The following LOXL1 variants were observed in gnomAD, a reference collection of about 807,000 sequenced individuals.
LOXL1 encodes the protein lysyl oxidase like 1.
LOXL1 carries 31 observed loss-of-function variants against 62.2 expected under a neutral mutation model. That is an observed-to-expected ratio of 0.50 (90% CI 0.37 to 0.67). The LOEUF (loss-of-function observed/expected upper bound fraction) is 0.67. Ranked by LOEUF, LOXL1 falls within the 30% of genes least tolerant of loss-of-function variation. The pLI, the probability that LOXL1 is intolerant of heterozygous loss-of-function variation, is 0.00. For synonymous variants in LOXL1, 403 were observed against 384.4 expected, an observed-to-expected ratio of 1.05 and a Z score of -0.56; for missense variants, 775 against 843.4, an observed-to-expected ratio of 0.92 and a Z score of 1.00.
chr15:73,927,758 C>T lies in LOXL1; in HGVS notation c.975C>T (p.Arg325=), dbSNP rs1293261766. Reference sequence around the variant, plus strand: ...CGCCCGAGGCGTACGGGCCGCCGCGCGCGCTGGAGCCGCCCTACCTGCCGG... The same window carrying T: ...CGCCCGAGGCGTACGGGCCGCCGCGTGCGCTGGAGCCGCCCTACCTGCCGG... ...NPPPEAYGPP[R]ALEPPYLPVR... Residue 325 remains arginine (R), a synonymous_variant, in exon 1 of 7, where the codon CGC becomes CGT. Transcript: ENST00000261921. 11 of 1,445,824 alleles carry T rather than the reference C, an allele frequency of 7.6e-6. No individual in the cohort carries two copies. Among genetic ancestry groups the T allele is most frequent in the Non-Finnish European group, 1.0e-5 (11 of 1,105,396 alleles). The allele number at this position is 1,445,824 out of a possible 1,614,324, so 89.6% of individuals were successfully genotyped here. A position where few individuals can be genotyped will look rare whatever the true frequency, so the allele number is the denominator to read the frequency against.
intron 5 of LOXL1, among the ~76,000 whole-genome samples, chr15:73,948,412 A>T (rs2068762316): frequency 6.6e-6 from 1 of 152,330 alleles, no homozygotes; most frequent in East Asian, 1.9e-4. Flanking sequence ...GTAGAAAAGC[A>T]TATTAACAAC....
intron 1 of LOXL1, 25 bp from the exon 2 acceptor site, chr15:73,942,829 C>T (rs367594839): frequency 1.0e-5 from 15 of 1,430,150 alleles, no homozygotes; most frequent in Non-Finnish European, 1.4e-5. Context: ...CTCCCTCCCC[C>T]CTTCTCTCCC....
chr15:73,937,231 G>A (rs944956390), intron 1 of LOXL1, among the ~76,000 whole-genome samples: 4 of 152,238 alleles, frequency 2.6e-5, no homozygotes, highest in Non-Finnish European at 4.4e-5. Flanking sequence ...CAGGCCCCAA[G>A]AGTCAGTGTG....
chr15:73,927,757 G>A lies in LOXL1; in HGVS notation c.974G>A (p.Arg325His). Residue 325 changes from arginine to histidine, a missense_variant, in exon 1 of 7, where the codon CGC becomes CAC. By Grantham distance (29) the Arg-to-His change is conservative. Coordinates refer to ENST00000261921, the MANE Select transcript of LOXL1 (RefSeq NM_005576.4). ...NPPPEAYGPPRALEPPYLPVR... is the reference protein window; with the variant it reads ...NPPPEAYGPPHALEPPYLPVR... ...CCGCCCGAGGCGTACGGGCCGCCGC[G>A]CGCGCTGGAGCCGCCCTACCTGCCG... 1 of 1,446,020 alleles carries A rather than the reference G, an allele frequency of 6.9e-7. No homozygotes were observed. The highest frequency in any genetic ancestry group is 9.0e-7 in the Non-Finnish European group (1 of 1,105,434). 89.6% of individuals were successfully genotyped at this position (1,446,020 alleles called of 1,614,324 possible). A position where few individuals can be genotyped will look rare whatever the true frequency, so the allele number is the denominator to read the frequency against.
In LOXL1 at chr15:73,926,844, G is replaced by C. The variant is rs1595841190; in HGVS notation, c.61G>C (p.Val21Leu). The change falls in exon 1 of 7, where the codon GTG becomes CTG. Residue 21 changes from valine (V) to leucine (L), a missense_variant. Val to Leu is a conservative substitution (Grantham distance 32). Transcript: ENST00000261921. The stretch of plus-strand genomic sequence containing the variant: ...CCTGGTGTGGGGCGCCTGCCTGTGC[G>C]TGCTGGTGCACGGGCAGCAGGCGCA... ...GALVWGACLC[V>L]LVHGQQAQPG... 1.9e-6 allele frequency: 3 copies of C among 1,541,246 alleles called. No individual in the cohort carries two copies. The East Asian group carries it at 7.4e-5, about 38-fold the overall frequency.
At chr15:73,950,782 G>A (rs1321846333) in intron 6 of LOXL1, among the ~76,000 whole-genome samples, 1 of 152,232 alleles carries the variant, frequency 6.6e-6, no homozygotes, top group African/African-American at 2.4e-5. Flanking sequence ...TTTAGAGACA[G>A]CCCTCTCACA....
In LOXL1 at chr15:73,946,569, G is replaced by C; in HGVS notation, c.1349+15G>C. ...AGCTGCCACCAGTGAGTGGGGAGGG[G>C]CTGGGCCCGTCCTCTTCCACTTCTC... is the stretch of plus-strand genomic sequence containing the variant. On this transcript the variant is annotated intron_variant, in intron 3 of 6. Transcript: ENST00000261921. 1 of 1,593,218 alleles carries C rather than the reference G, an allele frequency of 6.3e-7. No homozygotes were observed. The highest frequency in any genetic ancestry group is 8.5e-7 in the Non-Finnish European group (1 of 1,169,666).
In LOXL1 at chr15:73,926,969, G is replaced by C. The variant is rs758963349; in HGVS notation, c.186G>C (p.Val62=). The C allele has an allele frequency of 2.0e-6, 3 of 1,533,186 alleles. No homozygotes were observed. Among genetic ancestry groups the C allele is most frequent in the South Asian group, 2.4e-5 (2 of 82,214 alleles). The allele number at this position is 1,533,186 out of a possible 1,614,324, so 95.0% of individuals were successfully genotyped here. A position where few individuals can be genotyped will look rare whatever the true frequency, so the allele number is the denominator to read the frequency against. ...TGCTCAACTCGGGCTCAGAGTACGT[G>C]CCGGCCGGACCTCAGCGCTCCGAGA... ...YSLLNSGSEY[V]PAGPQRSESS... Residue 62 remains valine, a synonymous_variant, in exon 1 of 7, where the codon GTG becomes GTC. Coordinates refer to ENST00000261921, the MANE Select transcript of LOXL1 (RefSeq NM_005576.4).
chr15:73,948,880 C>G (rs1404056266), intron 5 of LOXL1, among the ~76,000 whole-genome samples: 1 of 152,212 alleles, frequency 6.6e-6, no homozygotes, highest in Non-Finnish European at 1.5e-5. Context: ...AAGTTGCATC[C>G]CTGCATCTGT....
At chr15:73,942,830 C>G in intron 1 of LOXL1, 24 bp from the exon 2 acceptor site, 3 of 1,459,258 alleles carry the variant, frequency 2.1e-6, no homozygotes, top group Non-Finnish European at 1.9e-6. Flanking sequence ...TCCCTCCCCC[C>G]TTCTCTCCCA....
chr15:73,951,229 G>A (rs1370788258), intron 6 of LOXL1, among the ~76,000 whole-genome samples: 1 of 152,242 alleles, frequency 6.6e-6, no homozygotes, highest in African/African-American at 2.4e-5. Flanking sequence ...GCAGCCAGGA[G>A]GGCTGTCGGC....
chr15:73,937,791 C>T (rs2141628118), intron 1 of LOXL1, among the ~76,000 whole-genome samples: 1 of 152,316 alleles, frequency 6.6e-6, no homozygotes, highest in South Asian at 2.1e-4. Context: ...CTGAGCAAGC[C>T]CATCCACCCA....
Position 73,951,881 on chromosome 15 carries a change from G to A in LOXL1, c.*44G>A. On this transcript the variant is annotated 3_prime_UTR_variant, in exon 7 of 7. Coordinates refer to ENST00000261921, the MANE Select transcript of LOXL1 (RefSeq NM_005576.4). ...GGCCAATCTCTCCCCTTCCAAAGCAGGCCCTGCTCCCCGGGCAGCCTCCCG... is the reference window on the plus strand; with the variant it reads ...GGCCAATCTCTCCCCTTCCAAAGCAAGCCCTGCTCCCCGGGCAGCCTCCCG... 2 of 1,473,672 alleles carry A rather than the reference G, an allele frequency of 1.4e-6. No homozygotes were observed. The highest frequency in any genetic ancestry group is 2.8e-5 in the South Asian group (2 of 72,006). The allele number at this position is 1,473,672 out of a possible 1,614,324, so 91.3% of individuals were successfully genotyped here.
intron 6 of LOXL1, 32 bp downstream of exon 6, chr15:73,949,606 C>A (rs533992327): frequency 1.4e-6 from 2 of 1,474,066 alleles, no homozygotes; most frequent in South Asian, 2.3e-5. Flanking sequence ...TTCCTGGCTC[C>A]GTCCCTTTCC....
intron 6 of LOXL1, among the ~76,000 whole-genome samples, chr15:73,949,965 A>G (rs968125165): frequency 2.6e-5 from 4 of 152,200 alleles, no homozygotes; most frequent in South Asian, 2.1e-4. Context: ...TAGGCTGGCA[A>G]TGAGGATCTA....
chr15:73,936,149 C>G (rs538133929), intron 1 of LOXL1, among the ~76,000 whole-genome samples: 2 of 152,178 alleles, frequency 1.3e-5, no homozygotes, highest in African/African-American at 2.4e-5. Flanking sequence ...TCTGAGACTT[C>G]TAGGCTTGAT....
intron 2 of LOXL1, among the ~76,000 whole-genome samples, chr15:73,944,619 C>T (rs2068735761): frequency 1.3e-5 from 2 of 152,178 alleles, no homozygotes. Flanking sequence ...CAAGTATGGG[C>T]CGCAGGCTGG....
intron 6 of LOXL1, among the ~76,000 whole-genome samples, chr15:73,949,864 C>G (rs755874144): frequency 3.3e-5 from 5 of 152,158 alleles, no homozygotes; most frequent in African/African-American, 4.8e-5. Context: ...GCCATGAGCT[C>G]TGCAGTCCCA....
At chr15:73,938,462 G>T (rs2068691609) in intron 1 of LOXL1, among the ~76,000 whole-genome samples, 1 of 151,562 alleles carries the variant, frequency 6.6e-6, no homozygotes, top group Admixed American at 6.6e-5. Context: ...CATAACCTCA[G>T]CACTTTGGGA....
Sources: gnomAD v4.1 joint callset for allele counts (sites outside exome capture counted in the v4.1 genomes callset) on GRCh38, gnomAD v4.1.1 for gene constraint, MANE v1.5 for transcripts, NCBI Gene and HGNC (gene_info 2026-07-23, HGNC 2026-07-21) for gene names.